The following ZNF786 variants were observed in gnomAD, a reference collection of about 807,000 sequenced individuals.
ZNF786 encodes the protein zinc finger protein 786.
ZNF786 carries 56 observed loss-of-function variants against 63.1 expected under a neutral mutation model. That is an observed-to-expected ratio of 0.89 (90% CI 0.72 to 1.11). The LOEUF is 1.11. Among genes scored for constraint, ZNF786 ranks in the 50% least tolerant of loss-of-function variants. The probability of loss-of-function intolerance (pLI) is 0.00; values close to 1 mark genes in which losing one functional copy is unlikely to be tolerated. For synonymous variants in ZNF786, 485 were observed against 406.9 expected (o/e 1.19, Z -2.31); for missense variants, 1,213 against 1,041.8 (o/e 1.16, Z -2.26).
intron 3 of ZNF786, among the ~76,000 whole-genome samples, chr7:149,073,853 C>G (rs1408715165): frequency 6.8e-6 from 1 of 147,050 alleles, no homozygotes; most frequent in Non-Finnish European, 1.5e-5. Context: ...GTTGCATAAT[C>G]TCAGCTCATT....
At chr7:149,076,930 C>A (rs1825561764) in intron 2 of ZNF786, among the ~76,000 whole-genome samples, 1 of 152,132 alleles carries the variant, frequency 6.6e-6, no homozygotes, top group African/African-American at 2.4e-5. Context: ...ATTGACAGTT[C>A]TTGAAGTGAA....
At chr7:149,086,989 C>G (rs1357624017) in intron 1 of ZNF786, among the ~76,000 whole-genome samples, 1 of 152,072 alleles carries the variant, frequency 6.6e-6, no homozygotes, top group Non-Finnish European at 1.5e-5. Flanking sequence ...ACTACAGGCG[C>G]CTGCCAACAT....
Position 149,071,585 on chromosome 7 carries a change from G to C in ZNF786, c.1187C>G (p.Pro396Arg). The change falls in exon 4 of 4, where the codon CCC becomes CGC. Residue 396 changes from proline (P) to arginine (R), a missense_variant. By Grantham distance (103) the Pro-to-Arg change is moderately radical. Coordinates refer to ENST00000491431, the MANE Select transcript of ZNF786 (RefSeq NM_152411.4). ...CTTGGTGCAATGCGCACACTGGAAGGGCTTTTCTCCAGTATGCGCCCTGCA... is the reference window on the plus strand; with the variant it reads ...CTTGGTGCAATGCGCACACTGGAAGCGCTTTTCTCCAGTATGCGCCCTGCA... ...SPCRAHTGEK[P>R]FQCAHCTKRF... The C allele has an allele frequency of 2.5e-6, 4 of 1,610,160 alleles. No homozygotes were observed. Among genetic ancestry groups the C allele is most frequent in the Non-Finnish European group, 3.4e-6 (4 of 1,178,954 alleles).
At chr7:149,084,806 T>C (rs948228822) in intron 1 of ZNF786, among the ~76,000 whole-genome samples, 5 of 152,194 alleles carry the variant, frequency 3.3e-5, no homozygotes, top group African/African-American at 7.2e-5. Flanking sequence ...TTAGGTCCCA[T>C]GTGTCAATTT....
At chr7:149,080,742 T>G (rs776740226) in intron 1 of ZNF786, 25 bp from the exon 2 acceptor site, 5 of 1,580,600 alleles carry the variant, frequency 3.2e-6, no homozygotes, top group Non-Finnish European at 4.3e-6. Context: ...ATAAGACATA[T>G]GCATTCATGG....
chr7:149,088,894 G>A (rs1240847963), intron 1 of ZNF786, among the ~76,000 whole-genome samples: 2 of 151,432 alleles, frequency 1.3e-5, no homozygotes, highest in East Asian at 3.9e-4. Context: ...TCTTTTATAC[G>A]TAAATACTTT....
chr7:149,080,832 G>T, intron 1 of ZNF786, 115 bp from the exon 2 acceptor site: 1 of 1,282,204 alleles, frequency 7.8e-7, no homozygotes, highest in Non-Finnish European at 1.1e-6. Flanking sequence ...TGGTTGTTCA[G>T]CAGCTTCTTC....
At position 149,074,423 on chromosome 7, in the gene ZNF786, C is replaced by T. The variant is rs543467348; in HGVS notation, c.261G>A (p.Met87Ile). 5 of 1,613,728 alleles carry T rather than the reference C, an allele frequency of 3.1e-6. No homozygotes were observed. The highest frequency in any genetic ancestry group is 4.2e-6 in the Non-Finnish European group (5 of 1,179,832). ...SGNIICSSVD[M>I]HFDPGFEEQL... ...GTTCCTCAAAACCTGGATCAAAATG[C>T]ATATCAACAGAGGAGCAAATTATGT... is the stretch of plus-strand genomic sequence containing the variant. Residue 87 changes from methionine (M) to isoleucine (I), a missense_variant, in exon 3 of 4, where the codon ATG (methionine) becomes ATA (isoleucine). Physicochemically the swap from Met to Ile is conservative, Grantham distance 10 (BLOSUM62 1). Transcript: ENST00000491431.
chr7:149,075,808 G>A (rs937357409), intron 2 of ZNF786, among the ~76,000 whole-genome samples: 4 of 151,622 alleles, frequency 2.6e-5, no homozygotes, highest in East Asian at 1.9e-4. Flanking sequence ...GACTACAGGC[G>A]GGAGCCACCA....
intron 3 of ZNF786, 43 bp from the exon 4 acceptor site, chr7:149,072,516 G>T: frequency 1.3e-6 from 2 of 1,501,274 alleles, no homozygotes; most frequent in Non-Finnish European, 1.8e-6. Flanking sequence ...CCTGTCTGCA[G>T]CACTACTAGC....
rs879814417 is a variant in ZNF786 at position 149,078,684 on chromosome 7, C to CA, written c.145+1906dup. Among the ~76,000 whole-genome samples, 1,130 of 131,608 alleles carry CA rather than the reference C, an allele frequency of 8.6e-3. 7 individuals carry two copies. Among genetic ancestry groups the CA allele is most frequent in the African/African-American group, 0.011 (389 of 35,678 alleles). 86.3% of individuals were successfully genotyped at this position (131,608 alleles called of 152,430 possible). On this transcript the variant is annotated intron_variant, in intron 2 of 3. Transcript: ENST00000491431. ...GGGCAACAAGAGTGAAACTCCGTCTCAAAAAAAAAAAAGTTAACTATGGTA... is the reference window on the plus strand; with the variant it reads ...GGGCAACAAGAGTGAAACTCCGTCTCAAAAAAAAAAAAAGTTAACTATGGTA...
intron 3 of ZNF786, among the ~76,000 whole-genome samples, chr7:149,072,974 A>G (rs1174168772): frequency 6.6e-6 from 1 of 152,184 alleles, no homozygotes; most frequent in African/African-American, 2.4e-5. Context: ...TCTGATGTAC[A>G]GACACACCTG....
Position 149,072,074 on chromosome 7 carries a change from C to T in ZNF786, c.698G>A (p.Ser233Asn), listed in dbSNP as rs1825437923. Residue 233 changes from serine to asparagine, a missense_variant, in exon 4 of 4, where the codon AGC becomes AAC. Transcript: ENST00000491431. ...KRAETQMPWS[S>N]PRVQRHFRCG... The stretch of plus-strand genomic sequence containing the variant: ...CCGGAAGTGCCTCTGTACCCGAGGG[C>T]TGCTCCACGGCATCTGCGTCTCCGC... 1 of 1,613,210 alleles carries T rather than the reference C, an allele frequency of 6.2e-7. No homozygotes were observed. Among genetic ancestry groups the T allele is most frequent in the South Asian group, 1.1e-5 (1 of 90,996 alleles).
At chr7:149,086,470 A>C (rs1264412613) in intron 1 of ZNF786, among the ~76,000 whole-genome samples, 2 of 152,190 alleles carry the variant, frequency 1.3e-5, no homozygotes, top group Non-Finnish European at 2.9e-5. Context: ...CCTACTAAAA[A>C]TACAAAAATT....
At chr7:149,074,915 A>G (rs941857928) in intron 2 of ZNF786, among the ~76,000 whole-genome samples, 13 of 152,114 alleles carry the variant, frequency 8.5e-5, no homozygotes, top group Non-Finnish European at 1.9e-4. Flanking sequence ...ATCATGGCTC[A>G]CTGTAGCCTC....
intron 2 of ZNF786, among the ~76,000 whole-genome samples, chr7:149,075,802 A>G (rs569930461): frequency 2.0e-5 from 3 of 151,860 alleles, no homozygotes; most frequent in Admixed American, 2.0e-4. Flanking sequence ...AGCTGGGACT[A>G]CAGGCGGGAG....
chr7:149,074,815 C>CTATA (rs372272906), intron 2 of ZNF786, among the ~76,000 whole-genome samples: 52 of 148,476 alleles, frequency 3.5e-4, no homozygotes, highest in Non-Finnish European at 4.3e-4. Context: ...ATGGCTAATG[C>CTATA]TATATATATA....
Position 149,070,967 on chromosome 7 carries a change from A to C in ZNF786, c.1805T>G (p.Phe602Cys). The C allele has an allele frequency of 6.2e-7, 1 of 1,613,320 alleles. No homozygotes were observed. The highest frequency in any genetic ancestry group is 2.2e-5 in the East Asian group (1 of 44,868). Residue 602 changes from phenylalanine to cysteine, a missense_variant, in exon 4 of 4, where the codon TTC (phenylalanine) becomes TGC (cysteine). Coordinates refer to ENST00000491431, the MANE Select transcript of ZNF786 (RefSeq NM_152411.4). ...GCTGAGCAGCTGCCCCTTCAGGCGG[A>C]AGCTCCTGTTGCACTCTGGGCACTG... ...PFQCPECNRS[F>C]RLKGQLLSHQ...
intron 1 of ZNF786, among the ~76,000 whole-genome samples, chr7:149,085,113 G>A (rs780333669): frequency 5.9e-5 from 9 of 152,000 alleles, no homozygotes; most frequent in South Asian, 2.1e-4. Context: ...GGTATGTGGC[G>A]TTATTTCTGG....
Sources: allele counts gnomAD v4.1 joint callset (sites outside exome capture counted in the v4.1 genomes callset), GRCh38; gene constraint gnomAD v4.1.1; transcripts MANE v1.5; gene names NCBI Gene and HGNC (gene_info 2026-07-23, HGNC 2026-07-21).